QSER1: variants seen among roughly 807,000 people sequenced by gnomAD.
The protein encoded by QSER1 is glutamine and serine rich 1.
In QSER1, 49 loss-of-function variants were observed where a neutral mutation model predicts 158.5. The ratio of observed to expected loss-of-function variants is 0.31; its 90% CI spans 0.25 to 0.39. The LOEUF (loss-of-function observed/expected upper bound fraction) is 0.39. Among genes scored for constraint, QSER1 ranks in the 10% least tolerant of loss-of-function variants. QSER1 has a pLI of 1.00. For synonymous variants in QSER1, 650 were observed against 715.5 expected, an observed-to-expected ratio of 0.91 and a Z score of 1.46; for missense variants, 1,754 against 2,010.3, an observed-to-expected ratio of 0.87 and a Z score of 2.44.
intron 7 of QSER1, among the ~76,000 whole-genome samples, chr11:32,957,436 G>A (rs937363093): frequency 9.9e-5 from 15 of 152,118 alleles, no homozygotes; most frequent in African/African-American, 1.9e-4. Context: ...CCACCGCGCC[G>A]CATTTGGGTT....
intron 9 of QSER1, among the ~76,000 whole-genome samples, chr11:32,967,100 A>G (rs934859266): frequency 2.0e-5 from 3 of 152,198 alleles, no homozygotes; most frequent in African/African-American, 7.2e-5. Context: ...GAAAGTGCCC[A>G]TCAGCCGATG....
At chr11:32,925,494 TTTTATTTATTTATTTATTTA>T (rs374397828) in intron 1 of QSER1, among the ~76,000 whole-genome samples, 2,786 of 143,634 alleles carry the variant, frequency 0.019, 50 homozygotes, top group South Asian at 0.041. Flanking sequence ...TACATCGCTT[TTTTATTTATTTATTTATTTA>T]TTTATTTATT....
chr11:32,980,215 T>C lies in QSER1; in HGVS notation c.*3741T>C, dbSNP rs990200098. Reference sequence around the variant, plus strand: ...AAATGTGAAAGACAATTTTGTACATTTGTTTGTTACTAACTCAGATCATTA... The same window carrying C: ...AAATGTGAAAGACAATTTTGTACATCTGTTTGTTACTAACTCAGATCATTA... On this transcript the variant is annotated 3_prime_UTR_variant, in exon 13 of 13. Transcript: ENST00000650167. 6 of 152,680 alleles carry C rather than the reference T, an allele frequency of 3.9e-5. No individual in the cohort carries two copies. The highest frequency in any genetic ancestry group is 1.2e-4 in the African/African-American group (5 of 41,458). The allele number at this position is 152,680 out of a possible 1,614,324, so 9.5% of individuals were successfully genotyped here. A position where few individuals can be genotyped will look rare whatever the true frequency, so the allele number is the denominator to read the frequency against.
chr11:32,953,755 C>A, intron 4 of QSER1, 102 bp from the exon 5 acceptor site: 2 of 1,355,682 alleles, frequency 1.5e-6, no homozygotes, highest in Non-Finnish European at 2.0e-6. Flanking sequence ...AGTTTGATTA[C>A]AAAATAATCA....
At chr11:32,927,343 G>T (rs1189596704) in intron 2 of QSER1, 74 bp downstream of exon 2, 1 of 152,624 alleles carries the variant, frequency 6.6e-6, no homozygotes, top group Non-Finnish European at 1.5e-5. Context: ...CAATTTTCAT[G>T]TGTTGAGTTC....
chr11:32,933,614 C>T lies in QSER1; in HGVS notation c.2356C>T (p.Leu786Phe), dbSNP rs1590166844. Reference protein sequence around the residue: ...GQVNNAATLDLKNSTNLIQTP... With the variant: ...GQVNNAATLDFKNSTNLIQTP... The stretch of plus-strand genomic sequence containing the variant: ...AGTCAATAATGCAGCTACCCTTGAT[C>T]TTAAGAACTCAACTAATTTAATACA... Residue 786 changes from leucine (L) to phenylalanine (F), a missense_variant, in exon 4 of 13, where the codon CTT becomes TTT. This residue lies in a region of QSER1 where 1,707 missense variants were observed against 1,919.6 expected (regional missense o/e 0.89). Coordinates refer to ENST00000650167, the MANE Select transcript of QSER1 (RefSeq NM_001076786.3). 1 of 1,613,822 alleles carries T rather than the reference C, an allele frequency of 6.2e-7. No homozygotes were observed.
intron 1 of QSER1, among the ~76,000 whole-genome samples, chr11:32,901,189 A>G (rs1322155436): frequency 6.6e-6 from 1 of 152,246 alleles, no homozygotes. Flanking sequence ...GAGGACACTT[A>G]GAATTCTTGA....
intron 10 of QSER1, among the ~76,000 whole-genome samples, chr11:32,971,385 G>A (rs1852853663): frequency 6.6e-6 from 1 of 152,088 alleles, no homozygotes; most frequent in Admixed American, 6.5e-5. Context: ...CTTTTTCAAG[G>A]TAATGATGTT....
Position 32,935,079 on chromosome 11 carries a change from T to C in QSER1, c.3821T>C (p.Val1274Ala), listed in dbSNP as rs1485737265. 1 of 1,613,912 alleles carries C rather than the reference T, an allele frequency of 6.2e-7. No individual in the cohort carries two copies. Among genetic ancestry groups the C allele is most frequent in the Non-Finnish European group, 8.5e-7 (1 of 1,180,010 alleles). ...IKEVEEKQPE[V>A]KTGFIASFLD... is the part of the protein sequence containing the mutation. The stretch of plus-strand genomic sequence containing the variant: ...GAGGTGGAGGAAAAACAACCAGAAG[T>C]CAAAACAGGATTTATTGCTTCTTTC... Residue 1274 changes from valine (V) to alanine (A), a missense_variant, in exon 4 of 13, where the codon GTC (valine) becomes GCC (alanine). Val to Ala is a moderately conservative substitution (Grantham distance 64). Transcript: ENST00000650167.
chr11:32,961,911 C>T (rs527436460), intron 8 of QSER1, among the ~76,000 whole-genome samples: 6 of 152,132 alleles, frequency 3.9e-5, no homozygotes, highest in Non-Finnish European at 8.8e-5. Context: ...GTTATTTCCT[C>T]CTTTTGGCTA....
At position 32,933,168 on chromosome 11, in the gene QSER1, C is replaced by T. The variant is rs761994113; in HGVS notation, c.1910C>T (p.Ser637Leu). 4 of 1,613,778 alleles carry T rather than the reference C, an allele frequency of 2.5e-6. No homozygotes were observed. The South Asian group carries it at 4.4e-5, about 18-fold the overall frequency. ...SSQNVQTQESSSPQSQKFLPA... is the reference protein window; with the variant it reads ...SSQNVQTQESLSPQSQKFLPA... ...CAAAATGTTCAGACTCAAGAGTCAT[C>T]ATCTCCCCAGTCCCAGAAGTTTTTG... is the stretch of plus-strand genomic sequence containing the variant. The change falls in exon 4 of 13, where the codon TCA (serine) becomes TTA (leucine). Residue 637 changes from serine (S) to leucine (L), a missense_variant. By Grantham distance (145) the Ser-to-Leu change is moderately radical. This residue lies in a region of QSER1 where 1,707 missense variants were observed against 1,919.6 expected (regional missense o/e 0.89). Transcript: ENST00000650167.
At chr11:32,916,574 C>T (rs1339052863) in intron 1 of QSER1, among the ~76,000 whole-genome samples, 3 of 152,110 alleles carry the variant, frequency 2.0e-5, no homozygotes, top group African/African-American at 7.2e-5. Flanking sequence ...CTGTACACAC[C>T]TAGGCTATAT....
chr11:32,932,003 A>G lies in QSER1; in HGVS notation c.745A>G (p.Ser249Gly). 2 of 1,614,210 alleles carry G rather than the reference A, an allele frequency of 1.2e-6. No individual in the cohort carries two copies. The highest frequency in any genetic ancestry group is 1.7e-6 in the Non-Finnish European group (2 of 1,180,038). The part of the protein sequence containing the change: ...PTALAFERLG[S>G]SVLSNSIPPQ... ...TGCTTTGGCATTTGAGCGCCTGGGC[A>G]GTTCTGTATTAAGTAACAGCATACC... Residue 249 changes from serine to glycine, a missense_variant, in exon 4 of 13, where the codon AGT becomes GGT. Ser to Gly is a moderately conservative substitution (Grantham distance 56). Transcript: ENST00000650167.
Position 32,969,101 on chromosome 11 carries a change from A to C in QSER1, c.5163A>C (p.Arg1721=), listed in dbSNP as rs556821670. The C allele has an allele frequency of 1.1e-5, 17 of 1,599,334 alleles. No homozygotes were observed. The East Asian group carries it at 3.9e-4, about 36-fold the overall frequency. Residue 1721 remains arginine, a synonymous_variant, in exon 10 of 13, where the codon CGA becomes CGC. Coordinates refer to ENST00000650167, the MANE Select transcript of QSER1 (RefSeq NM_001076786.3). ...KKIDGMLNDN[R]KRLLLNLHLD... ...TAGATGGCATGCTAAATGATAACCG[A>C]AAGAGACTTCTTTTGAATCTTCATT...
chr11:32,971,157 ATCTGCCTGCC>A (rs1852848488), intron 10 of QSER1, among the ~76,000 whole-genome samples: 1 of 151,872 alleles, frequency 6.6e-6, no homozygotes, highest in Non-Finnish European at 1.5e-5. Context: ...ACTTCAAGTG[ATCTGCCTGCC>A]TCTGCCTCCC....
At chr11:32,944,045 G>A (rs1434777554) in intron 4 of QSER1, among the ~76,000 whole-genome samples, 1 of 152,104 alleles carries the variant, frequency 6.6e-6, no homozygotes, top group Non-Finnish European at 1.5e-5. Flanking sequence ...AGTATTCTCT[G>A]ATAGTAGTTT....
intron 1 of QSER1, among the ~76,000 whole-genome samples, chr11:32,908,617 G>A (rs1048761643): frequency 1.3e-5 from 2 of 152,254 alleles, no homozygotes; most frequent in South Asian, 2.1e-4. Context: ...GTATATGGCC[G>A]AATAATATTT....
At position 32,966,442 on chromosome 11, in the gene QSER1, A is replaced by G; in HGVS notation, c.5107+5A>G. 1 of 1,604,708 alleles carries G rather than the reference A, an allele frequency of 6.2e-7. No individual in the cohort carries two copies. Among genetic ancestry groups the G allele is most frequent in the Non-Finnish European group, 8.5e-7 (1 of 1,177,480 alleles). ...AAGCCTTAGAGAAGAGCAATGGTACAGTCTTCTAAGTAGTACTTCCTTGGT... is the reference window on the plus strand; with the variant it reads ...AAGCCTTAGAGAAGAGCAATGGTACGGTCTTCTAAGTAGTACTTCCTTGGT... On this transcript the variant is annotated splice_donor_5th_base_variant and intron_variant, in intron 9 of 12. Transcript: ENST00000650167.
intron 11 of QSER1, 32 bp from the exon 12 acceptor site, chr11:32,975,215 GA>G (rs763143107): frequency 6.9e-7 from 1 of 1,445,874 alleles, no homozygotes; most frequent in East Asian, 2.3e-5. Context: ...GATACTCCAT[GA>G]AATGTATCTA....
Sources: gnomAD v4.1 joint callset for allele counts (sites outside exome capture counted in the v4.1 genomes callset) on GRCh38, gnomAD v4.1.1 for gene constraint, gnomAD v4.1.1 regional missense constraint, MANE v1.5 for transcripts, NCBI Gene and HGNC (gene_info 2026-07-23, HGNC 2026-07-21) for gene names.